DCLK1: variants seen among roughly 807,000 people sequenced by gnomAD.
DCLK1 encodes serine/threonine-protein kinase DCLK1.
A neutral mutation model predicts 86.2 loss-of-function variants in DCLK1; 16 were observed. The observed-to-expected ratio is 0.19, with a 90% CI of 0.13 to 0.28. The LOEUF (loss-of-function observed/expected upper bound fraction) is 0.28, where lower values mean the gene tolerates loss of function less well. Among genes scored for constraint, DCLK1 ranks in the 10% least tolerant of loss-of-function variants. The pLI, the probability that DCLK1 is intolerant of heterozygous loss-of-function variation, is 1.00. For missense variants in DCLK1, 590 were observed against 940.2 expected, an observed-to-expected ratio of 0.63 and a Z score of 4.87; for synonymous variants, 369 against 370.5, an observed-to-expected ratio of 1.00 and a Z score of 0.05.
chr13:35,983,753 A>C (rs1879772945), intron 3 of DCLK1, among the ~76,000 whole-genome samples: 1 of 152,244 alleles, frequency 6.6e-6, no homozygotes, highest in Non-Finnish European at 1.5e-5. Context: ...GTACCCAAAG[A>C]AATTTTTTAA....
chr13:35,864,721 T>C (rs1871665618), intron 5 of DCLK1, among the ~76,000 whole-genome samples: 1 of 150,220 alleles, frequency 6.7e-6, no homozygotes, highest in Non-Finnish European at 1.5e-5. Context: ...GGTGTGATCA[T>C]GGCTGACTTT....
At position 35,834,590 on chromosome 13, in the gene DCLK1, T is replaced by G. The variant is rs569188267; in HGVS notation, c.1229+1443A>C. Among the ~76,000 whole-genome samples the G allele has an allele frequency of 2.0e-5, 3 of 152,368 alleles. No individual in the cohort carries two copies. The East Asian group carries it at 5.8e-4, about 29-fold the overall frequency. On this transcript the variant is annotated intron_variant, in intron 8 of 16. Transcript: ENST00000360631. ...TAAATTAAGGACTTTGTAGATAGTT[T>G]ATGCTCAGCAAAATGAGGTTGCTCC...
At chr13:35,835,868 T>C (rs1869333147) in intron 8 of DCLK1, among the ~76,000 whole-genome samples, 165 bp downstream of exon 8, 1 of 152,244 alleles carries the variant, frequency 6.6e-6, no homozygotes, top group Admixed American at 6.5e-5. Context: ...ATTTTTCAAA[T>C]CTGTTGTTAG....
intron 3 of DCLK1, among the ~76,000 whole-genome samples, chr13:36,025,274 T>C (rs759931333): frequency 1.4e-4 from 22 of 152,300 alleles, no homozygotes; most frequent in Middle Eastern, 3.4e-3. Context: ...AGCTGGTCAA[T>C]TGATTTTCTA....
intron 2 of DCLK1, among the ~76,000 whole-genome samples, chr13:36,115,668 G>GT (rs946916200): frequency 2.0e-5 from 3 of 151,938 alleles, no homozygotes; most frequent in Non-Finnish European, 4.4e-5. Flanking sequence ...GCTGAATTTT[G>GT]TTGTGGCATT....
At chr13:36,005,618 C>T (rs921763053) in intron 3 of DCLK1, among the ~76,000 whole-genome samples, 15 of 152,158 alleles carry the variant, frequency 9.9e-5, no homozygotes, top group African/African-American at 3.6e-4. Flanking sequence ...TGCTATTCAA[C>T]CACAAAAGCT....
intron 1 of DCLK1, among the ~76,000 whole-genome samples, chr13:36,128,958 G>T (rs995375084): frequency 6.6e-6 from 1 of 152,102 alleles, no homozygotes; most frequent in African/African-American, 2.4e-5. Context: ...GTGTCTTGGG[G>T]GTGGAGTGGA....
At chr13:35,959,188 A>G (rs578241821) in intron 3 of DCLK1, among the ~76,000 whole-genome samples, 2 of 152,330 alleles carry the variant, frequency 1.3e-5, no homozygotes, top group Non-Finnish European at 2.9e-5. Context: ...TACTATGTAT[A>G]TTAGAGCATC....
intron 3 of DCLK1, among the ~76,000 whole-genome samples, chr13:36,055,417 A>T (rs67186291): frequency 0.14 from 21,828 of 152,122 alleles, 1,884 homozygotes; most frequent in South Asian, 0.36. Flanking sequence ...TCTCGTGCTG[A>T]CTATTCCTAA....
intron 5 of DCLK1, among the ~76,000 whole-genome samples, chr13:35,858,646 G>A (rs1442247819): frequency 6.6e-6 from 1 of 151,944 alleles, no homozygotes; most frequent in East Asian, 1.9e-4. Flanking sequence ...CCTCCTTTAG[G>A]CAAGGTTATT....
At chr13:36,071,160 T>G (rs1883960441) in intron 3 of DCLK1, among the ~76,000 whole-genome samples, 1 of 151,992 alleles carries the variant, frequency 6.6e-6, no homozygotes, top group South Asian at 2.1e-4. Flanking sequence ...TGAACATATC[T>G]CGTTACACTG....
Position 35,877,157 on chromosome 13 carries a change from A to C in DCLK1, c.824-5817T>G, listed in dbSNP as rs868191303. Among the ~76,000 whole-genome samples the C allele has an allele frequency of 2.6e-5, 4 of 152,188 alleles. 1 individual carries two copies. The South Asian group carries it at 8.3e-4, about 31-fold the overall frequency. ...ATGTTTTGGGGATTTATAGAAGTTA[A>C]ATGTTTCTCACCTTCACCCAGGACA... On this transcript the variant is annotated intron_variant, in intron 4 of 16. Coordinates refer to ENST00000360631, the MANE Select transcript of DCLK1 (RefSeq NM_001330071.2).
intron 5 of DCLK1, 99 bp from the exon 6 acceptor site, chr13:35,854,692 C>T: frequency 9.7e-7 from 1 of 1,035,180 alleles, no homozygotes; most frequent in Non-Finnish European, 1.3e-6. Flanking sequence ...TATAGAGAGC[C>T]ATCTACTAGA....
At chr13:35,802,786 G>A (rs1477241328) in intron 15 of DCLK1, among the ~76,000 whole-genome samples, 1 of 152,114 alleles carries the variant, frequency 6.6e-6, no homozygotes, top group Admixed American at 6.5e-5. Flanking sequence ...ATGGATGAGT[G>A]TGTTCAGTTA....
intron 2 of DCLK1, among the ~76,000 whole-genome samples, chr13:36,115,011 C>G (rs1885733880): frequency 6.6e-6 from 1 of 152,014 alleles, no homozygotes; most frequent in Admixed American, 6.6e-5. Context: ...TTAAAAATAA[C>G]AAGACAGGGC....
intron 3 of DCLK1, among the ~76,000 whole-genome samples, chr13:36,045,377 T>TATATATATATCTATATATAC (rs568110221): frequency 9.6e-5 from 12 of 125,060 alleles, no homozygotes; most frequent in South Asian, 5.2e-4. Context: ...TATATATATA[T>TATATATATATCTATATATAC]TTCAAGGTAA....
chr13:35,840,902 A>G (rs550679816), intron 6 of DCLK1, among the ~76,000 whole-genome samples: 2 of 152,340 alleles, frequency 1.3e-5, no homozygotes, highest in Non-Finnish European at 2.9e-5. Context: ...CAGATTTATT[A>G]TGTCAATAAC....
intron 3 of DCLK1, among the ~76,000 whole-genome samples, chr13:35,998,045 A>T (rs1880549044): frequency 6.6e-6 from 1 of 151,404 alleles, no homozygotes. Context: ...GCTGAGCTCC[A>T]CTCCCACCTT....
chr13:35,842,228 CAAAAAAAAAAA>C (rs35862851), intron 6 of DCLK1, among the ~76,000 whole-genome samples: 7 of 35,130 alleles, frequency 2.0e-4, no homozygotes, highest in Non-Finnish European at 2.4e-4. Flanking sequence ...GACTCCATCT[CAAAAAAAAAAA>C]AAAAAAAAAA....
Sources: allele counts gnomAD v4.1 joint callset (sites outside exome capture counted in the v4.1 genomes callset), GRCh38; gene constraint gnomAD v4.1.1; transcripts MANE v1.5; gene names NCBI Gene and HGNC (gene_info 2026-07-23, HGNC 2026-07-21).